Variants in SLC38A9 observed in about 807,000 individuals in gnomAD.
SLC38A9 encodes the protein solute carrier family 38 member 9.
Under a neutral mutation model 62.3 loss-of-function variants are expected in SLC38A9, and 48 were observed. The observed-to-expected ratio is 0.77, with a 90% CI of 0.61 to 0.98. The LOEUF (loss-of-function observed/expected upper bound fraction) is 0.98, where lower values mean the gene tolerates loss of function less well. Among genes scored for constraint, SLC38A9 ranks in the 50% least tolerant of loss-of-function variants. The pLI, the probability that SLC38A9 is intolerant of heterozygous loss-of-function variation, is 0.00. For missense variants in SLC38A9, 541 were observed against 679.8 expected (o/e 0.80, Z 2.27); for synonymous variants, 204 against 227.7 (o/e 0.90, Z 0.94).
At chr5:55,643,637 A>G (rs1745799376) in intron 12 of SLC38A9, among the ~76,000 whole-genome samples, 1 of 152,190 alleles carries the variant, frequency 6.6e-6, no homozygotes, top group Non-Finnish European at 1.5e-5. Context: ...AAAACGTCCA[A>G]TTATAATTGT....
At chr5:55,688,458 C>A (rs1023139033) in intron 3 of SLC38A9, among the ~76,000 whole-genome samples, 1 of 147,008 alleles carries the variant, frequency 6.8e-6, no homozygotes, top group African/African-American at 2.5e-5. Context: ...CGGCTCACTG[C>A]AAGCTCTGCC....
At chr5:55,648,683 C>A (rs7704479) in intron 11 of SLC38A9, among the ~76,000 whole-genome samples, 83,064 of 151,976 alleles carry the variant, frequency 0.55, 24,049 homozygotes, top group South Asian at 0.66. Context: ...AAATGGCCAA[C>A]AAACATATGA....
intron 14 of SLC38A9, among the ~76,000 whole-genome samples, chr5:55,632,895 T>C (rs1188654604): frequency 1.3e-5 from 2 of 152,304 alleles, no homozygotes; most frequent in Admixed American, 1.3e-4. Flanking sequence ...ACATGGCTGT[T>C]CACATAAACA....
intron 2 of SLC38A9, among the ~76,000 whole-genome samples, chr5:55,710,374 A>C (rs1022922044): frequency 6.6e-6 from 1 of 151,516 alleles, no homozygotes; most frequent in Non-Finnish European, 1.5e-5. Flanking sequence ...CACCTGGCTG[A>C]TTTTTGTATT....
intron 3 of SLC38A9, among the ~76,000 whole-genome samples, chr5:55,679,648 T>C (rs1752716362): frequency 1.3e-5 from 2 of 152,128 alleles, no homozygotes; most frequent in Non-Finnish European, 2.9e-5. Context: ...TAAAGAATTA[T>C]ATAAACAACA....
intron 8 of SLC38A9, among the ~76,000 whole-genome samples, chr5:55,661,441 T>C (rs1411500374): frequency 5.5e-4 from 32 of 57,734 alleles, no homozygotes; most frequent in African/African-American, 2.5e-3. Context: ...CAAGACTCCG[T>C]CTCAAAAAAA....
At chr5:55,696,725 C>CA (rs1755851554) in intron 3 of SLC38A9, 1 of 140,090 alleles carries the variant, frequency 7.1e-6, no homozygotes. Flanking sequence ...CCCTCCCGGA[C>CA]GGGGTGGCTG....
At position 55,672,391 on chromosome 5, in the gene SLC38A9, T is replaced by C. The variant is rs1241671853; in HGVS notation, c.246+172A>G. ...ACATTGTTTCAAATTTAGATAAGAA[T>C]GAACTGGCCTGAGATGTAGGATGTG... On this transcript the variant is annotated intron_variant, in intron 4 of 15. Coordinates refer to ENST00000396865, the MANE Select transcript of SLC38A9 (RefSeq NM_173514.4). 2.6e-5 allele frequency among the ~76,000 whole-genome samples: 4 copies of C among 152,338 alleles called. No homozygotes were observed. In the South Asian group the frequency reaches 6.2e-4, roughly 24 times the overall value.
intron 2 of SLC38A9, among the ~76,000 whole-genome samples, chr5:55,699,041 G>A (rs1027117011): frequency 2.0e-5 from 3 of 152,004 alleles, no homozygotes; most frequent in Non-Finnish European, 4.4e-5. Flanking sequence ...ATCACTTGAG[G>A]TCAGGAGTTT....
intron 6 of SLC38A9, 58 bp downstream of exon 6, chr5:55,669,499 C>A: frequency 4.1e-6 from 6 of 1,470,828 alleles, no homozygotes; most frequent in Non-Finnish European, 5.6e-6. Context: ...TGTTATAAAA[C>A]TTACAATATA....
chr5:55,635,170 T>G, intron 13 of SLC38A9: 1 of 192,752 alleles, frequency 5.2e-6, no homozygotes, highest in Non-Finnish European at 1.1e-5. Context: ...AAATAGGGAG[T>G]TCCTTCAATG....
chr5:55,677,931 T>C (rs1395129332), intron 3 of SLC38A9, among the ~76,000 whole-genome samples: 1 of 142,654 alleles, frequency 7.0e-6, no homozygotes, highest in African/African-American at 2.6e-5. Context: ...CTTTATTGTG[T>C]GTGTGTGTGT....
chr5:55,632,626 C>T (rs1743684821), intron 14 of SLC38A9, among the ~76,000 whole-genome samples: 1 of 152,178 alleles, frequency 6.6e-6, no homozygotes, highest in Non-Finnish European at 1.5e-5. Flanking sequence ...TCCCTCTTCC[C>T]CAAAGTGGAA....
chr5:55,635,781 T>C, intron 12 of SLC38A9, 124 bp from the exon 13 acceptor site: 1 of 601,738 alleles, frequency 1.7e-6, no homozygotes. Context: ...TGTGTGTATA[T>C]ACTTCTAGAT....
intron 11 of SLC38A9, among the ~76,000 whole-genome samples, chr5:55,647,204 A>G (rs946527858): frequency 5.3e-5 from 8 of 151,296 alleles, no homozygotes; most frequent in African/African-American, 2.0e-4. Flanking sequence ...TTTGCAATTT[A>G]TTTTAAATTA....
chr5:55,711,285 T>C (rs1419851123), intron 2 of SLC38A9, 167 bp downstream of exon 2: 1 of 123,992 alleles, frequency 8.1e-6, no homozygotes, highest in Non-Finnish European at 1.7e-5. Flanking sequence ...AGAGCGAGAC[T>C]CTTGTCTGAA....
chr5:55,633,516 T>A, intron 14 of SLC38A9: 1 of 448,422 alleles, frequency 2.2e-6, no homozygotes. Flanking sequence ...AAGATAAATA[T>A]AAATGGTATC....
chr5:55,678,173 T>C (rs1752464847), intron 3 of SLC38A9, among the ~76,000 whole-genome samples: 3 of 149,782 alleles, frequency 2.0e-5, no homozygotes, highest in Admixed American at 1.3e-4. Flanking sequence ...TCTTGTTCTG[T>C]CTTGCCCAGG....
rs1337234029 is a variant in SLC38A9, at chr5:55,692,595, T to C, written c.113+5251A>G. On this transcript the variant is annotated intron_variant, in intron 3 of 15. Coordinates refer to ENST00000396865, the MANE Select transcript of SLC38A9 (RefSeq NM_173514.4). Reference sequence around the variant, plus strand: ...CTTTCTTAAAACATGCTTACCTAGGTAGTTATGCCATGATTGTAAATAGCT... The same window carrying C: ...CTTTCTTAAAACATGCTTACCTAGGCAGTTATGCCATGATTGTAAATAGCT... 5.1e-6 allele frequency: 5 copies of C among 982,264 alleles called. No homozygotes were observed. In the East Asian group the frequency reaches 3.4e-4, roughly 67 times the overall value. 60.8% of individuals were successfully genotyped at this position (982,264 alleles called of 1,614,324 possible).
Sources: gnomAD v4.1 joint callset for allele counts (sites outside exome capture counted in the v4.1 genomes callset) on GRCh38, gnomAD v4.1.1 for gene constraint, MANE v1.5 for transcripts, NCBI Gene and HGNC (gene_info 2026-07-23, HGNC 2026-07-21) for gene names.